Variants in PITPNC1 observed in about 807,000 individuals in gnomAD.
PITPNC1 encodes phosphatidylinositol transfer protein cytoplasmic 1.
In PITPNC1, 18 loss-of-function variants were observed where a neutral mutation model predicts 44.7. The ratio of observed to expected loss-of-function variants is 0.40; its 90% CI spans 0.28 to 0.60. The LOEUF is 0.60. Among genes scored for constraint, PITPNC1 ranks in the 20% least tolerant of loss-of-function variants. The pLI, the probability that PITPNC1 is intolerant of heterozygous loss-of-function variation, is 0.39. For synonymous variants in PITPNC1, 141 were observed against 149.6 expected, an observed-to-expected ratio of 0.94 and a Z score of 0.42; for missense variants, 290 against 418.4, an observed-to-expected ratio of 0.69 and a Z score of 2.68.
At chr17:67,633,730 G>A (rs1253197453) in intron 6 of PITPNC1, among the ~76,000 whole-genome samples, 2 of 152,250 alleles carry the variant, frequency 1.3e-5, no homozygotes, top group Non-Finnish European at 2.9e-5. Context: ...TGTCAAGTCC[G>A]CCAGTGCTTA....
chr17:67,490,124 G>C (rs1420110347), intron 1 of PITPNC1, among the ~76,000 whole-genome samples: 1 of 38,850 alleles, frequency 2.6e-5, no homozygotes, highest in African/African-American at 1.3e-4. Context: ...GTGTGTGTGT[G>C]TGTGTGTGTG....
intron 7 of PITPNC1, among the ~76,000 whole-genome samples, chr17:67,671,577 A>G (rs1280487150): frequency 6.6e-6 from 1 of 152,184 alleles, no homozygotes; most frequent in East Asian, 1.9e-4. Context: ...TTGAACCCTC[A>G]TAACTCAGGC....
At chr17:67,426,997 C>A (rs2038776324) in intron 1 of PITPNC1, among the ~76,000 whole-genome samples, 1 of 152,114 alleles carries the variant, frequency 6.6e-6, no homozygotes. Context: ...CTCTCCTTTG[C>A]AGCAAACATA....
intron 1 of PITPNC1, among the ~76,000 whole-genome samples, chr17:67,497,650 C>T (rs1244147869): frequency 6.6e-6 from 1 of 150,396 alleles, no homozygotes. Context: ...ATCTCATCCT[C>T]CTGAATAGGT....
Position 67,657,160 on chromosome 17 carries a change from T to TTTTTGTTTTGTTTTG in PITPNC1, c.463-12328_463-12314dup, listed in dbSNP as rs3028849. ...TCCCTTCCCCTCCCCACCCCCGTTT[T>TTTTTGTTTTGTTTTG]TTTTGTTTTGTTTTGTTTTGTTTTG... On this transcript the variant is annotated intron_variant, in intron 6 of 8. Transcript: ENST00000581322. 1.1e-4 allele frequency among the ~76,000 whole-genome samples: 16 copies of TTTTTGTTTTGTTTTG among 150,838 alleles called. 1 individual carries two copies. The East Asian group carries it at 1.8e-3, about 17-fold the overall frequency.
chr17:67,666,901 G>C (rs577332315), intron 6 of PITPNC1, among the ~76,000 whole-genome samples: 2 of 152,344 alleles, frequency 1.3e-5, no homozygotes, highest in South Asian at 2.1e-4. Context: ...CCAGATCTGA[G>C]AGAATAAACC....
intron 1 of PITPNC1, among the ~76,000 whole-genome samples, chr17:67,440,258 T>C (rs2038994089): frequency 6.6e-6 from 1 of 152,148 alleles, no homozygotes; most frequent in Middle Eastern, 3.2e-3. Context: ...AAAGACAGGC[T>C]CTAACCCCGC....
At chr17:67,612,064 GCTTTACTAAAAT>G (rs1277799613) in intron 5 of PITPNC1, 1 of 152,220 alleles carries the variant, frequency 6.6e-6, no homozygotes, top group Non-Finnish European at 1.5e-5. Context: ...ACACATTGTT[GCTTTACTAAAAT>G]CTTTACTAAA....
chr17:67,621,439 C>T (rs2041829145), intron 5 of PITPNC1, among the ~76,000 whole-genome samples: 1 of 152,076 alleles, frequency 6.6e-6, no homozygotes, highest in African/African-American at 2.4e-5. Context: ...AACTCCTGAC[C>T]TCAAGTGATC....
chr17:67,403,367 A>G (rs1264809201), intron 1 of PITPNC1, among the ~76,000 whole-genome samples: 1 of 152,226 alleles, frequency 6.6e-6, no homozygotes, highest in East Asian at 1.9e-4. Flanking sequence ...TGATTTTTAA[A>G]ATAAGGTTCT....
At chr17:67,638,011 A>G (rs2042052996) in intron 6 of PITPNC1, 1 of 152,120 alleles carries the variant, frequency 6.6e-6, no homozygotes, top group African/African-American at 2.4e-5. Context: ...ACCATCATCA[A>G]CACCAAAGCA....
chr17:67,416,232 C>G (rs1162696537), intron 1 of PITPNC1, among the ~76,000 whole-genome samples: 1 of 49,358 alleles, frequency 2.0e-5, no homozygotes, highest in Non-Finnish European at 4.2e-5. Context: ...TTTTTTTAGA[C>G]AGAGTCTCGC....
intron 5 of PITPNC1, among the ~76,000 whole-genome samples, chr17:67,629,236 T>TTGTGTGTGTGTGTGTGTGTGTG (rs1231017107): frequency 1.0e-3 from 6 of 5,750 alleles, no homozygotes; most frequent in South Asian, 7.1e-3. Flanking sequence ...CTCTGGGGTA[T>TTGTGTGTGTGTGTGTGTGTGTG]TCTGTGTGTG....
intron 1 of PITPNC1, among the ~76,000 whole-genome samples, chr17:67,507,055 T>G (rs1414221248): frequency 1.3e-5 from 2 of 152,160 alleles, no homozygotes; most frequent in Non-Finnish European, 2.9e-5. Flanking sequence ...GACCCACTCG[T>G]TAGGATTGCC....
intron 1 of PITPNC1, among the ~76,000 whole-genome samples, chr17:67,463,024 C>T (rs2039366195): frequency 6.6e-6 from 1 of 152,194 alleles, no homozygotes; most frequent in Admixed American, 6.6e-5. Flanking sequence ...TTTTTAAAAA[C>T]AAAGACTATT....
rs558310588 is a variant in PITPNC1, at chr17:67,579,614, ATTTTTTTTTTT to A, written c.366+1375_366+1385del. Among the ~76,000 whole-genome samples, 150 of 88,810 alleles carry A rather than the reference ATTTTTTTTTTT, an allele frequency of 1.7e-3. 1 individual carries two copies. Among genetic ancestry groups the A allele is most frequent in the Non-Finnish European group, 2.4e-3 (113 of 47,638 alleles). The allele number at this position is 88,810 out of a possible 152,430, so 58.3% of individuals were successfully genotyped here. A position where few individuals can be genotyped will look rare whatever the true frequency, so the allele number is the denominator to read the frequency against. On this transcript the variant is annotated intron_variant, in intron 5 of 8. Coordinates refer to ENST00000581322, the MANE Select transcript of PITPNC1 (RefSeq NM_012417.4). Reference sequence around the variant, plus strand: ...CAACTTGAATCCTTGTAAAATAGTGATTTTTTTTTTTTTTTTTTTTTTTTTTTTCTGATTAG... The same window carrying A: ...CAACTTGAATCCTTGTAAAATAGTGATTTTTTTTTTTTTTTTTCTGATTAG...
At position 67,434,810 on chromosome 17, in the gene PITPNC1, A is replaced by T. The variant is rs541610207; in HGVS notation, c.48+56608A>T. Reference sequence around the variant, plus strand: ...GAGACTCTGCCTCAAAAAAAAAAAAAAAATAAAAAAATAAAAGGCCAGGCT... The same window carrying T: ...GAGACTCTGCCTCAAAAAAAAAAAATAAATAAAAAAATAAAAGGCCAGGCT... On this transcript the variant is annotated intron_variant, in intron 1 of 8. Transcript: ENST00000581322. Among the ~76,000 whole-genome samples the T allele has an allele frequency of 9.4e-4, 117 of 123,814 alleles. 2 individuals are homozygous for T. The South Asian group carries it at 0.024, about 25-fold the overall frequency. 81.2% of individuals were successfully genotyped at this position (123,814 alleles called of 152,430 possible).
rs59838492 is a variant in PITPNC1, at chr17:67,507,683, CAAAAAAAAAAAA to C, written c.49-25105_49-25094del. Among the ~76,000 whole-genome samples the C allele has an allele frequency of 2.4e-3, 192 of 79,510 alleles. 3 individuals carry two copies. The South Asian group carries it at 0.052, about 21-fold the overall frequency. 52.2% of individuals were successfully genotyped at this position (79,510 alleles called of 152,430 possible). A position where few individuals can be genotyped will look rare whatever the true frequency, so the allele number is the denominator to read the frequency against. On this transcript the variant is annotated intron_variant, in intron 1 of 8. Transcript: ENST00000581322. ...TGGGTGACAGGGCAAGACTTGGTCT[CAAAAAAAAAAAA>C]AAAAAAAAAAAAAGAGTAGAACTGT...
intron 1 of PITPNC1, among the ~76,000 whole-genome samples, chr17:67,461,264 G>A (rs935106890): frequency 6.6e-6 from 1 of 152,206 alleles, no homozygotes; most frequent in Admixed American, 6.5e-5. Context: ...TATTCTATAA[G>A]TTTTGAAAAT....
Sources: gnomAD v4.1 joint callset for allele counts (sites outside exome capture counted in the v4.1 genomes callset) on GRCh38, gnomAD v4.1.1 for gene constraint, MANE v1.5 for transcripts, NCBI Gene and HGNC (gene_info 2026-07-23, HGNC 2026-07-21) for gene names.